Variants in SORCS1 observed in about 807,000 individuals in gnomAD.
The protein encoded by SORCS1 is sortilin related VPS10 domain containing receptor 1.
Under a neutral mutation model 146.1 loss-of-function variants are expected in SORCS1, and 60 were observed. The ratio of observed to expected loss-of-function variants is 0.41; its 90% CI spans 0.33 to 0.51. The LOEUF is 0.51. Among genes scored for constraint, SORCS1 ranks in the 20% least tolerant of loss-of-function variants. SORCS1 has a pLI of 0.21. For synonymous variants in SORCS1, 637 were observed against 584.0 expected, an observed-to-expected ratio of 1.09 and a Z score of -1.31; for missense variants, 1,352 against 1,487.6, an observed-to-expected ratio of 0.91 and a Z score of 1.50.
chr10:106,804,443 G>A (rs12252742), intron 3 of SORCS1, among the ~76,000 whole-genome samples: 69,435 of 151,226 alleles, frequency 0.46, 16,192 homozygotes, highest in African/African-American at 0.55. Flanking sequence ...ATCCTTCTAC[G>A]TGGTAAACAG....
chr10:106,798,337 G>A (rs962510207), intron 3 of SORCS1, among the ~76,000 whole-genome samples: 4 of 152,070 alleles, frequency 2.6e-5, no homozygotes, highest in Non-Finnish European at 4.4e-5. Context: ...TGTGCACAAC[G>A]TGCAGGTTTG....
chr10:106,727,838 T>C (rs1028487094), intron 6 of SORCS1, among the ~76,000 whole-genome samples: 1 of 152,136 alleles, frequency 6.6e-6, no homozygotes, highest in Non-Finnish European at 1.5e-5. Context: ...GAAAACAGCA[T>C]GTACCAAGGC....
chr10:107,018,348 T>A (rs1373627610), intron 1 of SORCS1, among the ~76,000 whole-genome samples: 1 of 151,918 alleles, frequency 6.6e-6, no homozygotes, highest in Non-Finnish European at 1.5e-5. Context: ...CTAATTTTTT[T>A]ATTTTTTTTT....
intron 1 of SORCS1, among the ~76,000 whole-genome samples, chr10:107,112,574 C>A (rs893309802): frequency 1.3e-5 from 2 of 151,994 alleles, no homozygotes; most frequent in African/African-American, 4.8e-5. Context: ...GAATGTAACT[C>A]TCTAAAGATA....
chr10:106,792,375 CA>C, intron 3 of SORCS1, among the ~76,000 whole-genome samples: 1 of 152,272 alleles, frequency 6.6e-6, no homozygotes, highest in Admixed American at 6.5e-5. Flanking sequence ...GCTCATTGCA[CA>C]AAAAACTCAA....
intron 22 of SORCS1, 42 bp from the exon 23 acceptor site, chr10:106,607,339 A>G (rs747604019): frequency 6.2e-7 from 1 of 1,609,130 alleles, no homozygotes; most frequent in Non-Finnish European, 8.5e-7. Flanking sequence ...GCTGCAGAGA[A>G]GAAAGCTGAG....
intron 1 of SORCS1, among the ~76,000 whole-genome samples, chr10:107,113,125 A>T (rs1160961979): frequency 6.6e-6 from 1 of 152,206 alleles, no homozygotes; most frequent in Non-Finnish European, 1.5e-5. Flanking sequence ...ATTCTTAACA[A>T]ATTTGAGAAG....
At chr10:106,704,359 A>T (rs971168103) in intron 8 of SORCS1, among the ~76,000 whole-genome samples, 5 of 152,216 alleles carry the variant, frequency 3.3e-5, no homozygotes, top group Non-Finnish European at 2.9e-5. Context: ...TTATGCTACA[A>T]ATAGCATTTG....
chr10:106,982,782 ACATTAT>A (rs1405510823), intron 1 of SORCS1, among the ~76,000 whole-genome samples: 1 of 152,186 alleles, frequency 6.6e-6, no homozygotes, highest in Non-Finnish European at 1.5e-5. Flanking sequence ...CTGCATTCCA[ACATTAT>A]CAGAATATTA....
Position 106,837,918 on chromosome 10 carries a change from T to C in SORCS1, c.627-8245A>G, listed in dbSNP as rs866546871. Among the ~76,000 whole-genome samples, 21 of 152,256 alleles carry C rather than the reference T, an allele frequency of 1.4e-4. No individual in the cohort carries two copies. The Middle Eastern group carries it at 0.02, about 148-fold the overall frequency. On this transcript the variant is annotated intron_variant, in intron 2 of 25. Coordinates refer to ENST00000263054, the MANE Select transcript of SORCS1 (RefSeq NM_052918.5). ...CTGCCCTTCCTAGGTGCTTTTATTT[T>C]CTGTTCACAATATTTATCCCCATCT...
chr10:107,012,722 G>C (rs558281044), intron 1 of SORCS1, among the ~76,000 whole-genome samples: 74 of 152,094 alleles, frequency 4.9e-4, no homozygotes, highest in Non-Finnish European at 2.8e-4. Flanking sequence ...TGGTACAGAA[G>C]GACTGTTAAC....
chr10:106,606,116 G>A (rs557502609), intron 23 of SORCS1, among the ~76,000 whole-genome samples: 1 of 152,166 alleles, frequency 6.6e-6, no homozygotes, highest in East Asian at 1.9e-4. Context: ...GGCCAAGGCT[G>A]ATCATTTTAA....
At chr10:106,750,051 A>C (rs983130793) in intron 5 of SORCS1, among the ~76,000 whole-genome samples, 2 of 152,230 alleles carry the variant, frequency 1.3e-5, no homozygotes, top group Non-Finnish European at 2.9e-5. Flanking sequence ...AAGCATACAA[A>C]GACGTGAAGC....
At position 106,652,396 on chromosome 10, in the gene SORCS1, C is replaced by G. The variant is rs1290693565; in HGVS notation, c.2461G>C (p.Val821Leu). ...ATCAGTCCTACCTCTTCTAATTGCA[C>G]CATGAGAGTGACGTTGTGTCCTTGT... is the stretch of plus-strand genomic sequence containing the variant. ...AEQGHNVTLM[V>L]QLEEGDVQRT... is the part of the protein sequence containing the mutation. The change falls in exon 18 of 26, where the codon GTG (valine) becomes CTG (leucine). Residue 821 changes from valine to leucine, a missense_variant. By Grantham distance (32) the Val-to-Leu change is conservative (BLOSUM62 1). Transcript: ENST00000263054. 2.5e-6 allele frequency: 4 copies of G among 1,614,076 alleles called. No individual in the cohort carries two copies. In the East Asian group the frequency reaches 8.9e-5, roughly 36 times the overall value.
rs1851726005 is a variant in SORCS1, at chr10:106,673,043, C to T, written c.1941-58G>A. ...ATGATAACAATGTAATGAGTAATAA[C>T]AACAGAGAGCATTTGTGGGGCGTTC... is the stretch of plus-strand genomic sequence containing the variant. On this transcript the variant is annotated intron_variant, in intron 14 of 25. Transcript: ENST00000263054. The T allele has an allele frequency of 2.2e-6, 3 of 1,377,486 alleles. No individual in the cohort carries two copies. The South Asian group carries it at 3.7e-5, about 17-fold the overall frequency. 85.3% of individuals were successfully genotyped at this position (1,377,486 alleles called of 1,614,324 possible). A position where few individuals can be genotyped will look rare whatever the true frequency, so the allele number is the denominator to read the frequency against.
In SORCS1 at chr10:106,577,476, C is replaced by T. The variant is rs141625623; in HGVS notation, c.3451G>A (p.Ala1151Thr). 2.3e-5 allele frequency: 33 copies of T among 1,412,380 alleles called. No homozygotes were observed. The highest frequency in any genetic ancestry group is 1.5e-4 in the African/African-American group (10 of 67,394). 87.5% of individuals were successfully genotyped at this position (1,412,380 alleles called of 1,614,324 possible). A position where few individuals can be genotyped will look rare whatever the true frequency, so the allele number is the denominator to read the frequency against. ...CGCTTTGGCGTTGAAGGCGGAGTGG[C>T]GTGTCTTGCTCTTTGCAATCGGAGA... ...SSLRLQRARH[A>T]TPPSTPKRGS... Residue 1151 changes from alanine (A) to threonine (T), a missense_variant, in exon 26 of 26, where the codon GCC (alanine) becomes ACC (threonine). Physicochemically the swap from Ala to Thr is moderately conservative, Grantham distance 58 (BLOSUM62 0). Around this residue, in one of 3 missense-constraint regions of SORCS1, gnomAD observed 214 missense variants for 204.8 expected, o/e 1.05. Transcript: ENST00000263054.
At chr10:106,581,224 GA>G (rs564195532) in intron 24 of SORCS1, among the ~76,000 whole-genome samples, 6 of 152,002 alleles carry the variant, frequency 3.9e-5, no homozygotes, top group South Asian at 4.1e-4. Context: ...CCATTAAACA[GA>G]TAACAATGAA....
At chr10:107,126,242 AAAC>A (rs906057758) in intron 1 of SORCS1, among the ~76,000 whole-genome samples, 8 of 152,108 alleles carry the variant, frequency 5.3e-5, no homozygotes, top group African/African-American at 1.7e-4. Flanking sequence ...ACAAACAAAC[AAAC>A]AACAAAGCAC....
intron 2 of SORCS1, among the ~76,000 whole-genome samples, chr10:106,942,986 C>T (rs988912159): frequency 1.3e-5 from 2 of 152,260 alleles, no homozygotes; most frequent in East Asian, 3.9e-4. Flanking sequence ...CCCTTCACAG[C>T]TCCTTCTTGA....
Sources: allele counts gnomAD v4.1 joint callset (sites outside exome capture counted in the v4.1 genomes callset), GRCh38; gene constraint gnomAD v4.1.1; regional missense constraint gnomAD v4.1.1; transcripts MANE v1.5; gene names NCBI Gene and HGNC (gene_info 2026-07-23, HGNC 2026-07-21).